Variants in KCNMB3 observed in about 807,000 individuals in gnomAD.
KCNMB3 encodes the protein potassium calcium-activated channel subfamily M regulatory beta subunit 3.
A neutral mutation model predicts 11.9 loss-of-function variants in KCNMB3; 18 were observed. The ratio of observed to expected loss-of-function variants is 1.51; its 90% confidence interval spans 1.04 to 2.23. KCNMB3 has a LOEUF of 2.23. Ranked by LOEUF, KCNMB3 falls within the 30% of genes most tolerant of loss-of-function variation. The probability of loss-of-function intolerance (pLI) is 0.00; values close to 1 mark genes in which losing one functional copy is unlikely to be tolerated. For synonymous variants in KCNMB3, 78 were observed against 119.2 expected (o/e 0.65, Z 2.25); for missense variants, 247 against 329.4 (o/e 0.75, Z 1.94).
At chr3:179,245,519 G>GA (rs1387952680) in intron 1 of KCNMB3, among the ~76,000 whole-genome samples, 2 of 151,310 alleles carry the variant, frequency 1.3e-5, no homozygotes, top group Non-Finnish European at 3.0e-5. Context: ...TTTTTTGGGG[G>GA]GGGGGATGGA....
chr3:179,263,345 GC>G (rs144167031), intron 1 of KCNMB3, among the ~76,000 whole-genome samples: 11,223 of 152,290 alleles, frequency 0.074, 558 homozygotes, highest in Middle Eastern at 0.15. Context: ...ACTCGGACTG[GC>G]CCGCAAGCTC....
At chr3:179,240,064 G>T (rs1485291937), downstream of KCNMB3, 46 of 1,535,728 alleles carry the variant, frequency 3.0e-5, no homozygotes, top group East Asian at 1.0e-3. Context: ...GTAACATCAC[G>T]CTGTTTATTA....
intron 1 of KCNMB3, chr3:179,261,023 G>C: frequency 1.0e-6 from 1 of 986,356 alleles, no homozygotes; most frequent in Non-Finnish European, 1.6e-6. Flanking sequence ...GCCTCTCTGA[G>C]AGGAAGTCCC....
Position 179,259,113 on chromosome 3 carries a change from C to T in KCNMB3, c.62+7536G>A, listed in dbSNP as rs537547233. The T allele has an allele frequency of 2.6e-4, 417 of 1,587,810 alleles. 1 individual carries two copies. In the South Asian group the frequency reaches 4.6e-3, roughly 17 times the overall value. On this transcript the variant is annotated intron_variant, in intron 1 of 3. Transcript: ENST00000349697. ...TGGATTGAAGTCCCCCGGCTCTCCT[C>T]CTGGTGCCAACAAGTCATGGTTTTT...
chr3:179,263,287 C>T (rs1022368812), intron 1 of KCNMB3, among the ~76,000 whole-genome samples: 2 of 152,252 alleles, frequency 1.3e-5, no homozygotes, highest in Admixed American at 6.5e-5. Flanking sequence ...GCTTGTAGGC[C>T]GGTCGGCCAC....
In KCNMB3 at chr3:179,245,280, G is replaced by A. The variant is rs566139364; in HGVS notation, c.249-587C>T. Among the ~76,000 whole-genome samples, 30 of 151,840 alleles carry A rather than the reference G, an allele frequency of 2.0e-4. No individual in the cohort carries two copies. The South Asian group carries it at 5.9e-3, about 30-fold the overall frequency. On this transcript the variant is annotated intron_variant, in intron 1 of 2. Coordinates refer to ENST00000392685, the MANE Select transcript of KCNMB3 (RefSeq NM_171830.2). ...AACTACAGGGCCGTTGGTCAACATA[G>A]CCTACACAATTTCTGGCAACAAGGT...
At chr3:179,259,123 A>C in intron 1 of KCNMB3, 2 of 1,582,216 alleles carry the variant, frequency 1.3e-6, no homozygotes, top group South Asian at 2.4e-5. Flanking sequence ...CCTGGTGCCA[A>C]CAAGTCATGG....
upstream of KCNMB3, among the ~76,000 whole-genome samples, chr3:179,255,542 G>C (rs141572144): frequency 5.4e-3 from 816 of 152,222 alleles, 3 homozygotes; most frequent in Non-Finnish European, 8.7e-3. Flanking sequence ...AATACAGAGA[G>C]ATTTTTAAAT....
At chr3:179,246,257 C>G (rs1279070898) in intron 1 of KCNMB3, among the ~76,000 whole-genome samples, 1 of 152,040 alleles carries the variant, frequency 6.6e-6, no homozygotes. Flanking sequence ...ACTGAAAATA[C>G]AAAAATTAGC....
chr3:179,250,191 G>A (rs1479080304), intron 1 of KCNMB3, among the ~76,000 whole-genome samples: 1 of 152,126 alleles, frequency 6.6e-6, no homozygotes, highest in Non-Finnish European at 1.5e-5. Context: ...TACTGTCTCA[G>A]GGGTGGCAGG....
At position 179,243,208 on chromosome 3, in the gene KCNMB3, T is replaced by G. The variant is rs1725519289; in HGVS notation, c.524A>C (p.Asp175Ala). 7.2e-7 allele frequency: 1 copy of G among 1,386,148 alleles called. No individual in the cohort carries two copies. The highest frequency in any genetic ancestry group is 2.3e-5 in the East Asian group (1 of 43,674). 85.9% of individuals were successfully genotyped at this position (1,386,148 alleles called of 1,614,324 possible). ...NSALDIKEFFDHKNGTPFSCF... is the reference protein window; with the variant it reads ...NSALDIKEFFAHKNGTPFSCF... The stretch of plus-strand genomic sequence containing the variant: ...TGAAAAGGGGGTTCCATTTTTGTGA[T>G]CGAAGAATTCTTTTATGTCCAGAGC... The change falls in exon 3 of 3, where the codon GAT becomes GCT. Residue 175 changes from aspartate (D) to alanine (A), a missense_variant. Physicochemically the swap from Asp to Ala is moderately radical, Grantham distance 126. Around this residue, in one of 2 missense-constraint regions of KCNMB3, gnomAD observed 87 missense variants for 171.9 expected, o/e 0.51. Transcript: ENST00000392685.
At chr3:179,262,088 A>G (rs910968285) in intron 1 of KCNMB3, among the ~76,000 whole-genome samples, 1 of 152,168 alleles carries the variant, frequency 6.6e-6, no homozygotes, top group Non-Finnish European at 1.5e-5. Context: ...TACAAGAAGA[A>G]ATAGACAAAA....
chr3:179,266,314 T>C (rs893622393), intron 1 of KCNMB3, among the ~76,000 whole-genome samples: 1 of 152,056 alleles, frequency 6.6e-6, no homozygotes, highest in African/African-American at 2.4e-5. Flanking sequence ...CAAATGCTGG[T>C]CTAATTTCTT....
intron 1 of KCNMB3, chr3:179,260,996 A>T: frequency 1.0e-6 from 1 of 980,090 alleles, no homozygotes; most frequent in Non-Finnish European, 1.7e-6. Flanking sequence ...GTCGATGGAT[A>T]TAGAGGTGTC....
At chr3:179,250,643 G>T in intron 1 of KCNMB3, 100 bp downstream of exon 1, 1 of 1,188,702 alleles carries the variant, frequency 8.4e-7, no homozygotes, top group Non-Finnish European at 1.2e-6. Context: ...ATGGCAGAGA[G>T]TCACAGATTG....
In KCNMB3 at chr3:179,243,915, T is replaced by C. The variant is rs144195442; in HGVS notation, c.447+580A>G. Among the ~76,000 whole-genome samples, 28 of 152,260 alleles carry C rather than the reference T, an allele frequency of 1.8e-4. 1 individual carries two copies. Among genetic ancestry groups the C allele is most frequent in the African/African-American group, 6.0e-4 (25 of 41,550 alleles). On this transcript the variant is annotated intron_variant, in intron 2 of 2. Coordinates refer to ENST00000392685, the MANE Select transcript of KCNMB3 (RefSeq NM_171830.2). ...AAACTGTTTGAAATCTTAAAAATCA[T>C]TGCATCCCAAACAGAAAACAAAAGT...
intron 1 of KCNMB3, among the ~76,000 whole-genome samples, chr3:179,257,411 C>T (rs1283006444): frequency 2.0e-5 from 3 of 152,128 alleles, no homozygotes; most frequent in Non-Finnish European, 4.4e-5. Context: ...TCATAAGGTA[C>T]ATTCCTTTGT....
At chr3:179,239,909 G>A (rs1725407167), downstream of KCNMB3, 11 of 785,888 alleles carry the variant, frequency 1.4e-5, 1 homozygote, top group South Asian at 1.9e-4. Flanking sequence ...ACTATATTGA[G>A]AATATAGAAT....
At chr3:179,246,487 C>T (rs1461146080) in intron 1 of KCNMB3, among the ~76,000 whole-genome samples, 1 of 152,004 alleles carries the variant, frequency 6.6e-6, no homozygotes, top group Non-Finnish European at 1.5e-5. Context: ...ATCTCTTTGA[C>T]CAAAATAATC....
Sources: allele counts gnomAD v4.1 joint callset (sites outside exome capture counted in the v4.1 genomes callset), GRCh38; gene constraint gnomAD v4.1.1; regional missense constraint gnomAD v4.1.1; transcripts MANE v1.5; gene names NCBI Gene and HGNC (gene_info 2026-07-23, HGNC 2026-07-21).